Variants in PEAK1 observed in about 807,000 individuals in gnomAD.
The protein encoded by PEAK1 is pseudopodium enriched atypical kinase 1.
PEAK1 carries 54 observed loss-of-function variants against 124.7 expected under a neutral mutation model. The ratio of observed to expected loss-of-function variants is 0.43; its 90% CI spans 0.35 to 0.54. The LOEUF is 0.54. PEAK1 is among the 20% of genes least tolerant of loss of function. PEAK1 has a pLI of 0.01. For synonymous variants in PEAK1, 719 were observed against 760.0 expected (o/e 0.95, Z 0.89); for missense variants, 2,046 against 2,134.5 (o/e 0.96, Z 0.82).
At chr15:77,406,109 A>G (rs2071794091) in intron 1 of PEAK1, among the ~76,000 whole-genome samples, 1 of 152,154 alleles carries the variant, frequency 6.6e-6, no homozygotes, top group African/African-American at 2.4e-5. Flanking sequence ...CTCTTAGATT[A>G]TAATACATTC....
At chr15:77,214,481 G>A (rs139724820) in intron 6 of PEAK1, among the ~76,000 whole-genome samples, 33,685 of 151,032 alleles carry the variant, frequency 0.22, 4,197 homozygotes, top group Middle Eastern at 0.3. Flanking sequence ...AAAATTAGCC[G>A]GGCATGGTGG....
chr15:77,391,753 A>G (rs1459651502), intron 1 of PEAK1, among the ~76,000 whole-genome samples: 1 of 152,208 alleles, frequency 6.6e-6, no homozygotes, highest in Non-Finnish European at 1.5e-5. Context: ...AATTCTGCCA[A>G]CTCGTGACAT....
At chr15:77,362,286 CAT>C (rs1398031761) in intron 2 of PEAK1, among the ~76,000 whole-genome samples, 7 of 151,812 alleles carry the variant, frequency 4.6e-5, no homozygotes, top group African/African-American at 1.7e-4. Flanking sequence ...TGATCACTAA[CAT>C]ATATGTACTA....
At chr15:77,234,462 T>G (rs1013156374) in intron 6 of PEAK1, among the ~76,000 whole-genome samples, 1 of 152,162 alleles carries the variant, frequency 6.6e-6, no homozygotes, top group Non-Finnish European at 1.5e-5. Flanking sequence ...ATTTAATTTT[T>G]ATAAAATAAA....
chr15:77,270,509 GA>G (rs1349955789), intron 5 of PEAK1, among the ~76,000 whole-genome samples: 1 of 152,102 alleles, frequency 6.6e-6, no homozygotes, highest in African/African-American at 2.4e-5. Context: ...GCCAAATCAT[GA>G]GTGAACTCCC....
intron 1 of PEAK1, chr15:77,418,618 G>A (rs1595898104): frequency 1.0e-6 from 1 of 985,228 alleles, no homozygotes; most frequent in Non-Finnish European, 1.2e-6. Flanking sequence ...AGAAGTCCCA[G>A]GCAAGTCAGA....
At chr15:77,154,517 A>G (rs1204212415) in intron 8 of PEAK1, among the ~76,000 whole-genome samples, 2 of 152,154 alleles carry the variant, frequency 1.3e-5, no homozygotes, top group Non-Finnish European at 2.9e-5. Context: ...TGTGAATTTG[A>G]TCCTGTCATT....
Position 77,179,367 on chromosome 15 carries a change from A to C in PEAK1, c.2560T>G (p.Ser854Ala). The C allele has an allele frequency of 6.2e-7, 1 of 1,613,548 alleles. No individual in the cohort carries two copies. Among genetic ancestry groups the C allele is most frequent in the Non-Finnish European group, 8.5e-7 (1 of 1,179,890 alleles). ...KDPSIKPVTP[S>A]PSKLVTSPQS... is the part of the protein sequence containing the mutation. The stretch of plus-strand genomic sequence containing the variant: ...GGGCTAGTCACTAATTTGGAGGGAG[A>C]GGGGGTGACTGGCTTTATGGATGGG... Residue 854 changes from serine to alanine, a missense_variant, in exon 7 of 10, where the codon TCT (serine) becomes GCT (alanine). By Grantham distance (99) the Ser-to-Ala change is moderately conservative. Coordinates refer to ENST00000682557, the MANE Select transcript of PEAK1 (RefSeq NM_001385026.1).
chr15:77,397,301 A>G (rs1347237551), intron 1 of PEAK1, among the ~76,000 whole-genome samples: 1 of 152,190 alleles, frequency 6.6e-6, no homozygotes, highest in Non-Finnish European at 1.5e-5. Context: ...TATAGGATAT[A>G]GTGAAAGCAG....
intron 1 of PEAK1, among the ~76,000 whole-genome samples, chr15:77,388,013 C>T (rs928294228): frequency 6.6e-6 from 1 of 152,160 alleles, no homozygotes. Context: ...AGTGGGTATA[C>T]TTAGCATGTT....
intron 9 of PEAK1, among the ~76,000 whole-genome samples, chr15:77,118,317 A>T (rs1355375736): frequency 2.0e-5 from 3 of 152,172 alleles, no homozygotes; most frequent in African/African-American, 7.2e-5. Flanking sequence ...GTATCTCATA[A>T]ATCTTTATTA....
At chr15:77,417,452 T>A in intron 1 of PEAK1, 1 of 160,566 alleles carries the variant, frequency 6.2e-6, no homozygotes, top group Non-Finnish European at 7.0e-6. Context: ...GGTGGGGGGA[T>A]GCGGGGCGGG....
intron 1 of PEAK1, chr15:77,419,208 G>A (rs1461736217): frequency 1.0e-6 from 1 of 985,350 alleles, no homozygotes; most frequent in Non-Finnish European, 1.2e-6. Context: ...GCAGGCGGGG[G>A]AGGAGGGTCT....
chr15:77,361,764 C>T (rs11856530), intron 2 of PEAK1, among the ~76,000 whole-genome samples: 2,538 of 152,212 alleles, frequency 0.017, 35 homozygotes, highest in Middle Eastern at 0.048. Flanking sequence ...ATCAAAGAGA[C>T]ATTTGCACCT....
chr15:77,299,628 T>C (rs1302817158), intron 2 of PEAK1, among the ~76,000 whole-genome samples: 2 of 152,238 alleles, frequency 1.3e-5, no homozygotes, highest in Admixed American at 1.3e-4. Context: ...ATAATCTTTA[T>C]GAATTTGAAC....
At chr15:77,176,486 C>T (rs556915458) in intron 7 of PEAK1, among the ~76,000 whole-genome samples, 57 of 152,178 alleles carry the variant, frequency 3.7e-4, no homozygotes, top group African/African-American at 1.3e-3. Context: ...AGGACCCACC[C>T]CAGACCTACT....
chr15:77,143,335 C>T (rs2053934499), intron 8 of PEAK1, among the ~76,000 whole-genome samples: 1 of 152,194 alleles, frequency 6.6e-6, no homozygotes, highest in Non-Finnish European at 1.5e-5. Flanking sequence ...CCTTGCCTGA[C>T]AACTGTGACA....
At chr15:77,190,952 A>G (rs1454778393) in intron 6 of PEAK1, among the ~76,000 whole-genome samples, 1 of 152,212 alleles carries the variant, frequency 6.6e-6, no homozygotes, top group African/African-American at 2.4e-5. Flanking sequence ...TTTGTACTTA[A>G]CTTTCAAATT....
intron 9 of PEAK1, among the ~76,000 whole-genome samples, chr15:77,130,946 T>G (rs1044315877): frequency 6.6e-6 from 1 of 152,218 alleles, no homozygotes; most frequent in Non-Finnish European, 1.5e-5. Flanking sequence ...GTGCCATTAT[T>G]GACAAAGCTA....
Sources: gnomAD v4.1 joint callset for allele counts (sites outside exome capture counted in the v4.1 genomes callset) on GRCh38, gnomAD v4.1.1 for gene constraint, MANE v1.5 for transcripts, NCBI Gene and HGNC (gene_info 2026-07-23, HGNC 2026-07-21) for gene names.